The following HTR4 variants were observed in gnomAD, a reference collection of about 807,000 sequenced individuals.
The protein encoded by HTR4 is 5-hydroxytryptamine receptor 4, also known as 5-hydroxytryptamine (serotonin) receptor 4, G protein-coupled.
A neutral mutation model predicts 36.8 loss-of-function variants in HTR4; 16 were observed. The ratio of observed to expected loss-of-function variants is 0.43; its 90% CI spans 0.29 to 0.66. The LOEUF (loss-of-function observed/expected upper bound fraction) is 0.66. HTR4 is among the 30% of genes least tolerant of loss of function. The probability of loss-of-function intolerance (pLI) is 0.13; values close to 1 mark genes in which losing one functional copy is unlikely to be tolerated. For synonymous variants in HTR4, 189 were observed against 185.1 expected (o/e 1.02, Z -0.17); for missense variants, 438 against 490.9 (o/e 0.89, Z 1.02).
chr5:148,480,333 G>A (rs1439087312), downstream of HTR4, among the ~76,000 whole-genome samples: 1 of 152,156 alleles, frequency 6.6e-6, no homozygotes, highest in East Asian at 1.9e-4. Flanking sequence ...GGTGGATTTG[G>A]AAGAATTAAT....
chr5:148,528,291 A>C (rs1034890802), intron 4 of HTR4, among the ~76,000 whole-genome samples: 4 of 152,208 alleles, frequency 2.6e-5, no homozygotes, highest in African/African-American at 9.6e-5. Flanking sequence ...TCTGTCTTAC[A>C]GTAAACATAA....
chr5:148,531,341 T>C (rs879593981), intron 4 of HTR4, among the ~76,000 whole-genome samples: 4 of 152,088 alleles, frequency 2.6e-5, no homozygotes, highest in Admixed American at 1.3e-4. Context: ...GTGTTCCCCA[T>C]GCTATTCTCA....
intron 4 of HTR4, among the ~76,000 whole-genome samples, chr5:148,531,835 C>A (rs1758580319): frequency 6.6e-6 from 1 of 152,118 alleles, no homozygotes; most frequent in Admixed American, 6.6e-5. Flanking sequence ...TTATTTTCTG[C>A]AGGTAAAAAA....
chr5:148,483,264 TCC>T lies in HTR4; in HGVS notation c.1104_1105del (p.Trp368Ter). 1.2e-6 allele frequency: 2 copies of T among 1,613,770 alleles called. No homozygotes were observed. Among genetic ancestry groups the T allele is most frequent in the African/African-American group, 2.7e-5 (2 of 74,984 alleles). ...AGTTGCTGGCGGGTGACACTGACTC[TCC>T]CACTGGCCACCACACTCCACTGCAT... On this transcript the variant is annotated stop_gained and frameshift_variant, in exon 7 of 7. Coordinates refer to ENST00000377888, the MANE Select transcript of HTR4 (RefSeq NM_000870.7). LOFTEE classifies it high-confidence loss of function.
At chr5:148,599,816 A>G (rs1422143221) in intron 2 of HTR4, among the ~76,000 whole-genome samples, 1 of 151,840 alleles carries the variant, frequency 6.6e-6, no homozygotes, top group Non-Finnish European at 1.5e-5. Context: ...AAGGAAGGAG[A>G]TAAATGGAGT....
intron 5 of HTR4, among the ~76,000 whole-genome samples, chr5:148,468,975 C>T (rs959918237): frequency 6.6e-6 from 1 of 152,028 alleles, no homozygotes; most frequent in Non-Finnish European, 1.5e-5. Flanking sequence ...CCCGTTCCGC[C>T]GTGATTGTAA....
chr5:148,464,691 T>C (rs1451002205), intron 5 of HTR4, among the ~76,000 whole-genome samples: 1 of 152,200 alleles, frequency 6.6e-6, no homozygotes, highest in Non-Finnish European at 1.5e-5. Flanking sequence ...TTTACAAAAC[T>C]AAACATATTG....
chr5:148,593,100 A>C (rs1489816846), intron 2 of HTR4, among the ~76,000 whole-genome samples: 1 of 152,114 alleles, frequency 6.6e-6, no homozygotes, highest in Non-Finnish European at 1.5e-5. Context: ...TTATAGTTAA[A>C]ATTTTTCTGC....
intron 2 of HTR4, among the ~76,000 whole-genome samples, chr5:148,561,552 G>T (rs1760211789): frequency 6.6e-6 from 1 of 152,104 alleles, no homozygotes; most frequent in African/African-American, 2.4e-5. Flanking sequence ...TACAGAGATA[G>T]ATTTCTTTTC....
chr5:148,569,591 T>G (rs973780302), intron 2 of HTR4, among the ~76,000 whole-genome samples: 3 of 151,472 alleles, frequency 2.0e-5, no homozygotes, highest in African/African-American at 7.3e-5. Context: ...TATATTATAT[T>G]TATCTTATTT....
intron 4 of HTR4, 82 bp from the exon 5 acceptor site, chr5:148,523,428 A>C: frequency 1.9e-5 from 22 of 1,149,676 alleles, no homozygotes; most frequent in Admixed American, 3.1e-5. Flanking sequence ...TGAGAGAGAA[A>C]AGGGGAGGAA....
chr5:148,502,594 C>G (rs79464466), intron 6 of HTR4, among the ~76,000 whole-genome samples: 7 of 151,792 alleles, frequency 4.6e-5, no homozygotes, highest in African/African-American at 1.4e-4. Context: ...GAGCACCTCT[C>G]CCCCTACAAA....
At position 148,560,544 on chromosome 5, in the gene HTR4, T is replaced by G. The variant is rs575432919; in HGVS notation, c.27-10282A>C. 5.3e-5 allele frequency among the ~76,000 whole-genome samples: 8 copies of G among 152,350 alleles called. No homozygotes were observed. In the South Asian group the frequency reaches 1.7e-3, roughly 32 times the overall value. On this transcript the variant is annotated intron_variant, in intron 2 of 6. Coordinates refer to ENST00000377888, the MANE Select transcript of HTR4 (RefSeq NM_000870.7). Reference sequence around the variant, plus strand: ...TCTGCCTTTGCAAATTATTTTCTTCTGCTTCTCACTTTGAAATGTCTTCCT... The same window carrying G: ...TCTGCCTTTGCAAATTATTTTCTTCGGCTTCTCACTTTGAAATGTCTTCCT...
intron 1 of HTR4, among the ~76,000 whole-genome samples, chr5:148,642,914 T>C (rs2127313268): frequency 6.6e-6 from 1 of 152,240 alleles, no homozygotes; most frequent in Middle Eastern, 3.4e-3. Flanking sequence ...CCATATTGTT[T>C]ACCTAGAGCT....
chr5:148,482,724 G>C lies in HTR4; in HGVS notation c.*479C>G, dbSNP rs143534451. ...TAGCTTGAACATGGCTGTGACGGACGTGACCAAGCAAGTAAGCAAGACAGG... is the reference window on the plus strand; with the variant it reads ...TAGCTTGAACATGGCTGTGACGGACCTGACCAAGCAAGTAAGCAAGACAGG... On this transcript the variant is annotated 3_prime_UTR_variant, in exon 7 of 7. Transcript: ENST00000377888. 1 of 1,009,522 alleles carries C rather than the reference G, an allele frequency of 9.9e-7. No individual in the cohort carries two copies. Among genetic ancestry groups the C allele is most frequent in the East Asian group, 9.3e-5 (1 of 10,734 alleles). 62.5% of individuals were successfully genotyped at this position (1,009,522 alleles called of 1,614,324 possible).
intron 2 of HTR4, among the ~76,000 whole-genome samples, chr5:148,556,216 G>A (rs1030411735): frequency 1.3e-5 from 2 of 152,116 alleles, no homozygotes; most frequent in Admixed American, 1.3e-4. Context: ...TAGGGACAGG[G>A]TTTCGCCATG....
chr5:148,637,211 T>C, intron 1 of HTR4, 150 bp from the exon 2 acceptor site: 1 of 619,742 alleles, frequency 1.6e-6, no homozygotes, highest in Non-Finnish European at 2.9e-6. Context: ...AAAAAGCTTT[T>C]GGCATATTGA....
At chr5:148,513,033 T>C (rs1240494380) in intron 5 of HTR4, among the ~76,000 whole-genome samples, 1 of 151,906 alleles carries the variant, frequency 6.6e-6, no homozygotes, top group African/African-American at 2.4e-5. Context: ...GGTCATGCTC[T>C]GTCACCCAGG....
At chr5:148,545,360 C>T (rs972516827) in intron 4 of HTR4, among the ~76,000 whole-genome samples, 1 of 152,318 alleles carries the variant, frequency 6.6e-6, no homozygotes. Context: ...TGTCAAATAC[C>T]TAAATAAGTA....
Sources: allele counts gnomAD v4.1 joint callset (sites outside exome capture counted in the v4.1 genomes callset), GRCh38; gene constraint gnomAD v4.1.1; transcripts MANE v1.5; gene names NCBI Gene and HGNC (gene_info 2026-07-23, HGNC 2026-07-21).